AKR7A3: variants seen among roughly 807,000 people sequenced by gnomAD.
The protein encoded by AKR7A3 is aldo-keto reductase family 7 member A3, also known as AFB1 aldehyde reductase 2.
Under a neutral mutation model 32.5 loss-of-function variants are expected in AKR7A3, and 37 were observed. The observed-to-expected ratio is 1.14, with a 90% CI of 0.88 to 1.50. The LOEUF (loss-of-function observed/expected upper bound fraction) is 1.50. Among genes scored for constraint, AKR7A3 ranks in the 40% most tolerant of loss-of-function variants. The pLI is 0.00. For missense variants in AKR7A3, 412 were observed against 453.2 expected (o/e 0.91, Z 0.83); for synonymous variants, 177 against 188.4 (o/e 0.94, Z 0.50).
downstream of AKR7A3, among the ~76,000 whole-genome samples, chr1:19,280,217 A>C (rs2093716709): frequency 6.6e-6 from 1 of 151,790 alleles, no homozygotes. Context: ...CCCCAATCCA[A>C]GGCCACAAGA....
chr1:19,277,377 T>C, the AKR7A3 span, among the ~76,000 whole-genome samples: 192 of 151,890 alleles, frequency 1.3e-3, 5 homozygotes, highest in African/African-American at 4.3e-3. Context: ...TCAAGGAAAA[T>C]TAGATCATAA....
At chr1:19,282,561 C>T (rs1558130261), downstream of AKR7A3, 15 of 1,144,210 alleles carry the variant, frequency 1.3e-5, no homozygotes, top group Non-Finnish European at 1.9e-5. Flanking sequence ...AACAGACTAA[C>T]ACACAGCACC....
In AKR7A3 at chr1:19,282,903, G is replaced by A; in HGVS notation, c.835-11C>T. ...GTCCCCGTGGGCACCCTGCAAGGGA[G>A]ACGGCCAGACTTCAACCCTCTTCTG... On this transcript the variant is annotated splice_polypyrimidine_tract_variant and intron_variant, in intron 6 of 6. Transcript: ENST00000361640. 6.2e-7 allele frequency: 1 copy of A among 1,607,922 alleles called. No individual in the cohort carries two copies. The highest frequency in any genetic ancestry group is 8.5e-7 in the Non-Finnish European group (1 of 1,175,714).
rs2093725808 is a variant in AKR7A3 at position 19,284,689 on chromosome 1, T to TTCC, written c.698_700dup (p.Arg233dup). On this transcript the variant is annotated inframe_insertion, in exon 5 of 7. Transcript: ENST00000361640. ...ACACCAAGCACCCACAGCTTACCGA[T>TTCC]TCCTGTACATCTCTGCCCAGGTATT... The TTCC allele has an allele frequency of 1.9e-6, 3 of 1,613,840 alleles. No homozygotes were observed. The highest frequency in any genetic ancestry group is 2.5e-6 in the Non-Finnish European group (3 of 1,179,976).
chr1:19,283,988 C>G lies in AKR7A3; in HGVS notation c.834+8G>C. On this transcript the variant is annotated splice_region_variant and intron_variant, in intron 6 of 6. Coordinates refer to ENST00000361640, the MANE Select transcript of AKR7A3 (RefSeq NM_012067.3). ...GGAAGAAGCTGAGCGCACAGGGTCA[C>G]TGGTTACCTGCAGCTGTGAGTGGTG... 1 of 1,613,024 alleles carries G rather than the reference C, an allele frequency of 6.2e-7. No homozygotes were observed. The highest frequency in any genetic ancestry group is 1.1e-5 in the South Asian group (1 of 91,046).
chr1:19,284,480 A>C (rs1486123267), intron 5 of AKR7A3, among the ~76,000 whole-genome samples: 5 of 151,842 alleles, frequency 3.3e-5, no homozygotes, highest in Non-Finnish European at 7.4e-5. Flanking sequence ...CAACGACTTC[A>C]AGACCCCGAG....
Position 19,283,513 on chromosome 1 carries a change from C to CT in AKR7A3, c.834+482_834+483insA, listed in dbSNP as rs2093722484. On this transcript the variant is annotated intron_variant, in intron 6 of 6. Coordinates refer to ENST00000361640, the MANE Select transcript of AKR7A3 (RefSeq NM_012067.3). ...CTGCAATGAAGCTCTCATTACAAAG[C>CT]CTGGCACTCAGATACCATCAAAGAC... Among the ~76,000 whole-genome samples the CT allele has an allele frequency of 2.6e-5, 4 of 152,066 alleles. No individual in the cohort carries two copies. The South Asian group carries it at 8.3e-4, about 32-fold the overall frequency.
At chr1:19,280,244 C>CTTTTTCTT (rs2093716749), downstream of AKR7A3, among the ~76,000 whole-genome samples, 3 of 151,818 alleles carry the variant, frequency 2.0e-5, no homozygotes, top group South Asian at 6.2e-4. Context: ...TCTATATTTT[C>CTTTTTCTT]TTTTTCTTTC....
rs370934898 is a variant in AKR7A3 at position 19,288,742 on chromosome 1, G to C, written c.-33C>G. The C allele has an allele frequency of 1.4e-6, 2 of 1,433,360 alleles. No homozygotes were observed. Among genetic ancestry groups the C allele is most frequent in the Admixed American group, 2.7e-5 (1 of 36,894 alleles). 88.8% of individuals were successfully genotyped at this position (1,433,360 alleles called of 1,614,324 possible). The stretch of plus-strand genomic sequence containing the variant: ...GCAACGGGAGACTGTGACAGCCCAG[G>C]AGCCGCGCGCAGCGGTCGGAAGCAC... On this transcript the variant is annotated 5_prime_UTR_variant, in exon 1 of 7. Coordinates refer to ENST00000361640, the MANE Select transcript of AKR7A3 (RefSeq NM_012067.3).
chr1:19,287,012 C>G (rs1423534927), intron 1 of AKR7A3, among the ~76,000 whole-genome samples: 1 of 151,774 alleles, frequency 6.6e-6, no homozygotes, highest in Non-Finnish European at 1.5e-5. Flanking sequence ...GAAATAAGGG[C>G]CAGGCAGAGG....
intron 1 of AKR7A3, among the ~76,000 whole-genome samples, chr1:19,286,650 T>C (rs2093731168): frequency 6.6e-6 from 1 of 151,754 alleles, no homozygotes. Flanking sequence ...CACAGCACAA[T>C]GTCTCACAGA....
chr1:19,277,301 G>A, the AKR7A3 span, among the ~76,000 whole-genome samples: 4,813 of 151,636 alleles, frequency 0.032, 354 homozygotes, highest in African/African-American at 0.11. Context: ...AAATAATAAC[G>A]GAGTGATGTC....
At chr1:19,283,905 G>A in intron 6 of AKR7A3, 91 bp downstream of exon 6, 4 of 1,577,660 alleles carry the variant, frequency 2.5e-6, no homozygotes, top group Non-Finnish European at 3.4e-6. Flanking sequence ...AATTTCAGAG[G>A]AATCGATAAA....
At chr1:19,274,931 G>A in the AKR7A3 span, among the ~76,000 whole-genome samples, 868 of 52,092 alleles carry the variant, frequency 0.017, 8 homozygotes, top group Middle Eastern at 0.039. Context: ...ATAGACAGAT[G>A]GAACAAATGA....
intron 1 of AKR7A3, among the ~76,000 whole-genome samples, chr1:19,287,261 C>T (rs571244693): frequency 4.0e-5 from 6 of 150,138 alleles, no homozygotes; most frequent in East Asian, 3.9e-4. Context: ...TGAGCCCTAT[C>T]GCACCACTCC....
the AKR7A3 span, among the ~76,000 whole-genome samples, chr1:19,276,817 AAAT>A: frequency 2.0e-5 from 3 of 151,354 alleles, no homozygotes; most frequent in Non-Finnish European, 2.9e-5. Flanking sequence ...AAAATAACAA[AAAT>A]AAATTAACAG....
downstream of AKR7A3, among the ~76,000 whole-genome samples, chr1:19,278,299 C>T (rs931436730): frequency 1.3e-5 from 2 of 151,756 alleles, 1 homozygote; most frequent in African/African-American, 4.9e-5. Context: ...TGGCTCACAC[C>T]TGTAATCCCA....
intron 1 of AKR7A3, among the ~76,000 whole-genome samples, chr1:19,287,501 C>T (rs1478368475): frequency 6.6e-6 from 1 of 151,790 alleles, no homozygotes; most frequent in African/African-American, 2.4e-5. Flanking sequence ...ATACTAAGAA[C>T]AAACAAACAG....
chr1:19,285,957 T>TA lies in AKR7A3; in HGVS notation c.437_438insT (p.Ala147SerfsTer66), dbSNP rs1558132086. The TA allele has an allele frequency of 6.2e-7, 1 of 1,612,820 alleles. No homozygotes were observed. Among genetic ancestry groups the TA allele is most frequent in the East Asian group, 2.2e-5 (1 of 44,826 alleles). ...TACAGATCTCGGCCACTTCCCAGGCTGCATAGTTGGAGAGGCCAAGCTCCA... is the reference window on the plus strand; with the variant it reads ...TACAGATCTCGGCCACTTCCCAGGCTAGCATAGTTGGAGAGGCCAAGCTCCA... On this transcript the variant is annotated frameshift_variant, in exon 3 of 7. Coordinates refer to ENST00000361640, the MANE Select transcript of AKR7A3 (RefSeq NM_012067.3). LOFTEE classifies it high-confidence loss of function.
Sources: gnomAD v4.1 joint callset for allele counts (sites outside exome capture counted in the v4.1 genomes callset) on GRCh38, gnomAD v4.1.1 for gene constraint, MANE v1.5 for transcripts, NCBI Gene and HGNC (gene_info 2026-07-23, HGNC 2026-07-21) for gene names.